The following KIF26B variants were observed in gnomAD, a reference collection of about 807,000 sequenced individuals.
The protein encoded by KIF26B is kinesin-like protein KIF26B.
Under a neutral mutation model 151.2 loss-of-function variants are expected in KIF26B, and 63 were observed. That is an observed-to-expected ratio of 0.42 (90% CI 0.34 to 0.51). The LOEUF (loss-of-function observed/expected upper bound fraction) is 0.51. Ranked by LOEUF, KIF26B falls within the 20% of genes least tolerant of loss-of-function variation. The pLI is 0.07. For synonymous variants in KIF26B, 1,357 were observed against 1,262.1 expected, an observed-to-expected ratio of 1.08 and a Z score of -1.59; for missense variants, 2,813 against 2,913.6, an observed-to-expected ratio of 0.97 and a Z score of 0.79.
At chr1:245,451,749 G>A (rs1202486475) in intron 4 of KIF26B, among the ~76,000 whole-genome samples, 4 of 151,602 alleles carry the variant, frequency 2.6e-5, no homozygotes, top group African/African-American at 7.3e-5. Flanking sequence ...ACAGGCACCC[G>A]CCATCATGAC....
chr1:245,303,003 A>AAG (rs1553342653), intron 2 of KIF26B, among the ~76,000 whole-genome samples: 2 of 149,686 alleles, frequency 1.3e-5, no homozygotes, highest in African/African-American at 4.9e-5. Flanking sequence ...AAAAAAAAAA[A>AAG]AAAAAAAAAA....
chr1:245,640,054 G>GA lies in KIF26B; in HGVS notation c.2099-6066dup, dbSNP rs146169792. 3.2e-3 allele frequency among the ~76,000 whole-genome samples: 477 copies of GA among 149,666 alleles called. 2 individuals are homozygous for GA. The highest frequency in any genetic ancestry group is 0.011 in the African/African-American group (436 of 40,736). ...GAATGATCCACCTATTGCCAAAAGTGAGGTGTTGAAGTCCCTTACTGTTAT... is the reference window on the plus strand; with the variant it reads ...GAATGATCCACCTATTGCCAAAAGTGAAGGTGTTGAAGTCCCTTACTGTTAT... On this transcript the variant is annotated intron_variant, in intron 9 of 14. Transcript: ENST00000407071.
At chr1:245,681,371 A>G (rs146718235) in intron 10 of KIF26B, among the ~76,000 whole-genome samples, 3,017 of 152,010 alleles carry the variant, frequency 0.02, 97 homozygotes, top group African/African-American at 0.07. Flanking sequence ...CACCACGCCC[A>G]GCTAATTTTT....
At chr1:245,194,162 T>C (rs1482044516) in intron 2 of KIF26B, among the ~76,000 whole-genome samples, 1 of 152,240 alleles carries the variant, frequency 6.6e-6, no homozygotes, top group African/African-American at 2.4e-5. Flanking sequence ...ATCTCGTCTT[T>C]GAACCTAATT....
chr1:245,607,856 T>C (rs1256151943), intron 7 of KIF26B, 112 bp downstream of exon 7: 1 of 817,114 alleles, frequency 1.2e-6, no homozygotes, highest in Non-Finnish European at 2.0e-6. Flanking sequence ...GCGTTTCTCT[T>C]AGGTGTTGAG....
intron 4 of KIF26B, among the ~76,000 whole-genome samples, chr1:245,539,997 C>T (rs943598607): frequency 4.6e-5 from 7 of 152,118 alleles, no homozygotes; most frequent in African/African-American, 1.2e-4. Context: ...GAATGATGGA[C>T]GATGTCATTG....
chr1:245,410,638 C>T (rs529565793), intron 3 of KIF26B, among the ~76,000 whole-genome samples: 1 of 152,234 alleles, frequency 6.6e-6, no homozygotes, highest in Admixed American at 6.5e-5. Flanking sequence ...TTGGTAGAGA[C>T]AGGGTTTCAC....
At chr1:245,334,479 T>C (rs989890688) in intron 2 of KIF26B, among the ~76,000 whole-genome samples, 1 of 152,170 alleles carries the variant, frequency 6.6e-6, no homozygotes, top group Non-Finnish European at 1.5e-5. Context: ...GAAATTCCGA[T>C]CAGTCAGTCC....
intron 5 of KIF26B, among the ~76,000 whole-genome samples, chr1:245,546,969 T>C (rs1049769045): frequency 6.6e-6 from 1 of 152,264 alleles, no homozygotes; most frequent in East Asian, 1.9e-4. Context: ...GAAAGGCGAC[T>C]TGGGGAAAAT....
intron 4 of KIF26B, among the ~76,000 whole-genome samples, chr1:245,438,590 C>T (rs114746686): frequency 4.7e-4 from 72 of 152,138 alleles, no homozygotes; most frequent in African/African-American, 1.6e-3. Context: ...GAGACTTGCC[C>T]GTGAATGTTC....
At chr1:245,236,897 G>C (rs7547134) in intron 2 of KIF26B, among the ~76,000 whole-genome samples, 60,878 of 152,012 alleles carry the variant, frequency 0.4, 12,999 homozygotes, top group East Asian at 0.62. Context: ...AAATGAATGA[G>C]ACCACATAGC....
At chr1:245,412,848 G>A (rs367579242) in intron 3 of KIF26B, among the ~76,000 whole-genome samples, 2 of 152,136 alleles carry the variant, frequency 1.3e-5, no homozygotes, top group Non-Finnish European at 2.9e-5. Context: ...AATGGTGCAC[G>A]GAATTCTCAT....
chr1:245,632,275 T>C (rs1558244411), intron 9 of KIF26B, among the ~76,000 whole-genome samples: 1 of 152,220 alleles, frequency 6.6e-6, no homozygotes, highest in Non-Finnish European at 1.5e-5. Context: ...ATTTCATTCA[T>C]TTAGGAGCAT....
At chr1:245,468,404 C>T (rs1309894692) in intron 4 of KIF26B, among the ~76,000 whole-genome samples, 3 of 152,126 alleles carry the variant, frequency 2.0e-5, no homozygotes, top group Non-Finnish European at 4.4e-5. Context: ...GGATTCTCTT[C>T]CCTTCACTCT....
chr1:245,322,740 A>G (rs1671914669), intron 2 of KIF26B, among the ~76,000 whole-genome samples: 1 of 152,208 alleles, frequency 6.6e-6, no homozygotes, highest in Non-Finnish European at 1.5e-5. Flanking sequence ...AGGATCATGA[A>G]CATCTTAAAA....
intron 3 of KIF26B, among the ~76,000 whole-genome samples, chr1:245,389,044 G>C (rs2103021132): frequency 6.6e-6 from 1 of 152,308 alleles, no homozygotes; most frequent in Non-Finnish European, 1.5e-5. Context: ...CTCTTGCCAG[G>C]AAAGTTCCGT....
chr1:245,539,445 A>G (rs1661553787), intron 4 of KIF26B, among the ~76,000 whole-genome samples: 1 of 152,258 alleles, frequency 6.6e-6, no homozygotes, highest in Non-Finnish European at 1.5e-5. Flanking sequence ...GATTTTAATC[A>G]GTAGAATAAA....
At chr1:245,590,819 G>A (rs2043280033) in intron 5 of KIF26B, among the ~76,000 whole-genome samples, 1 of 151,232 alleles carries the variant, frequency 6.6e-6, no homozygotes, top group Non-Finnish European at 1.5e-5. Context: ...GAAGTGGGAG[G>A]ATCACTTGAG....
chr1:245,701,509 G>A (rs542669774), intron 14 of KIF26B, among the ~76,000 whole-genome samples: 3 of 152,224 alleles, frequency 2.0e-5, no homozygotes, highest in Admixed American at 6.5e-5. Flanking sequence ...AGTGAGTCAC[G>A]TCACTGTCCA....
Sources: gnomAD v4.1 joint callset for allele counts (sites outside exome capture counted in the v4.1 genomes callset) on GRCh38, gnomAD v4.1.1 for gene constraint, MANE v1.5 for transcripts, NCBI Gene and HGNC (gene_info 2026-07-23, HGNC 2026-07-21) for gene names.